LRBA: variants seen among roughly 807,000 people sequenced by gnomAD.
LRBA encodes the protein lipopolysaccharide-responsive and beige-like anchor protein.
In LRBA, 176 loss-of-function variants were observed where a neutral mutation model predicts 330.0. The ratio of observed to expected loss-of-function variants is 0.53; its 90% confidence interval spans 0.47 to 0.60. LRBA has a LOEUF of 0.60. LRBA is among the 20% of genes least tolerant of loss of function. The pLI is 0.00. For missense variants in LRBA, 3,259 were observed against 3,444.8 expected (o/e 0.95, Z 1.35); for synonymous variants, 1,230 against 1,193.0 (o/e 1.03, Z -0.64).
intron 2 of LRBA, among the ~76,000 whole-genome samples, chr4:150,961,906 A>T (rs1335015147): frequency 1.3e-5 from 2 of 149,240 alleles, no homozygotes; most frequent in African/African-American, 5.2e-5. Flanking sequence ...TAAATGTCTG[A>T]CTACTCCATG....
intron 47 of LRBA, among the ~76,000 whole-genome samples, chr4:150,393,721 A>G (rs1744328058): frequency 6.6e-6 from 1 of 152,120 alleles, no homozygotes; most frequent in Non-Finnish European, 1.5e-5. Flanking sequence ...CCTGGCCTGA[A>G]GTCATCCTCC....
In LRBA at chr4:150,735,279, A is replaced by C. The variant is rs931609538; in HGVS notation, c.5733T>G (p.Ile1911Met). Residue 1911 changes from isoleucine to methionine, a missense_variant, in exon 36 of 57, where the codon ATT (isoleucine) becomes ATG (methionine). Coordinates refer to ENST00000651943, the MANE Select transcript of LRBA (RefSeq NM_001364905.1). ...FILSRQRAED[I>M]HRHAEFESLC... ...CTACCTCAAATTCCGCATGTCTGTGAATATCTTCTGCTCTCTGCCTGCTCA... is the reference window on the plus strand; with the variant it reads ...CTACCTCAAATTCCGCATGTCTGTGCATATCTTCTGCTCTCTGCCTGCTCA... 6.2e-7 allele frequency: 1 copy of C among 1,613,360 alleles called. No homozygotes were observed. The highest frequency in any genetic ancestry group is 1.7e-5 in the Admixed American group (1 of 59,990).
intron 47 of LRBA, among the ~76,000 whole-genome samples, chr4:150,412,618 T>C (rs1356623476): frequency 6.6e-6 from 1 of 152,112 alleles, no homozygotes; most frequent in Non-Finnish European, 1.5e-5. Context: ...CTTATTCAAA[T>C]GTTTCTGCCT....
chr4:150,917,284 T>A (rs1299821120), intron 5 of LRBA, among the ~76,000 whole-genome samples: 3 of 150,518 alleles, frequency 2.0e-5, no homozygotes, highest in Non-Finnish European at 2.9e-5. Context: ...GAAAAAAAAA[T>A]TCAGTGTAAC....
At position 151,014,787 on chromosome 4, in the gene LRBA, C is replaced by A. The variant is rs1745246075; in HGVS notation, c.-145G>T. Reference sequence around the variant, plus strand: ...CCCCAAAGCAGTTGATGTGGAAAGTCCTTGGCGTCGCCCTCCTCCTCTTGG... The same window carrying A: ...CCCCAAAGCAGTTGATGTGGAAAGTACTTGGCGTCGCCCTCCTCCTCTTGG... On this transcript the variant is annotated 5_prime_UTR_variant, in exon 2 of 57. Coordinates refer to ENST00000651943, the MANE Select transcript of LRBA (RefSeq NM_001364905.1). 1.7e-6 allele frequency: 1 copy of A among 598,012 alleles called. No homozygotes were observed. Among genetic ancestry groups the A allele is most frequent in the African/African-American group, 1.9e-5 (1 of 54,034 alleles). The allele number at this position is 598,012 out of a possible 1,614,324, so 37.0% of individuals were successfully genotyped here.
At chr4:150,426,956 T>G (rs1749712575) in intron 46 of LRBA, among the ~76,000 whole-genome samples, 1 of 151,952 alleles carries the variant, frequency 6.6e-6, no homozygotes, top group Non-Finnish European at 1.5e-5. Flanking sequence ...TTGGGCCTTT[T>G]GCTGTTCTAG....
intron 34 of LRBA, among the ~76,000 whole-genome samples, chr4:150,777,806 C>T (rs1032484458): frequency 1.3e-5 from 2 of 151,672 alleles, no homozygotes; most frequent in Admixed American, 6.6e-5. Flanking sequence ...GGTGAAACCC[C>T]GTCTCTACTA....
At chr4:150,961,537 A>G (rs1412413440) in intron 2 of LRBA, among the ~76,000 whole-genome samples, 1 of 149,352 alleles carries the variant, frequency 6.7e-6, no homozygotes, top group Non-Finnish European at 1.5e-5. Context: ...AAAACAAAAA[A>G]TACTATTTTT....
At chr4:150,384,155 C>T (rs1742714474) in intron 47 of LRBA, among the ~76,000 whole-genome samples, 1 of 152,050 alleles carries the variant, frequency 6.6e-6, no homozygotes, top group Non-Finnish European at 1.5e-5. Flanking sequence ...TCTCCTGCCT[C>T]AGTCTTCCGA....
chr4:150,596,231 G>T (rs1383766577), intron 38 of LRBA, among the ~76,000 whole-genome samples: 1 of 151,820 alleles, frequency 6.6e-6, no homozygotes, highest in Non-Finnish European at 1.5e-5. Flanking sequence ...CTAGAAGGTA[G>T]CCAGAAGTAG....
Position 150,872,747 on chromosome 4 carries a change from T to A in LRBA, c.2174A>T (p.Tyr725Phe). The A allele has an allele frequency of 1.3e-6, 2 of 1,568,556 alleles. No individual in the cohort carries two copies. The highest frequency in any genetic ancestry group is 8.7e-7 in the Non-Finnish European group (1 of 1,144,790). Residue 725 changes from tyrosine (Y) to phenylalanine (F), a missense_variant, in exon 18 of 57, where the codon TAC (tyrosine) becomes TTC (phenylalanine). Transcript: ENST00000651943. ...TTCACTTTTCGATGCCAGAAGTTTGTAGATAACACTGAATGAATAAAAATT... is the reference window on the plus strand; with the variant it reads ...TTCACTTTTCGATGCCAGAAGTTTGAAGATAACACTGAATGAATAAAAATT... ...FDQRNGLRVI[Y>F]KLLASKSEGI...
At position 150,959,304 on chromosome 4, in the gene LRBA, C is replaced by A. The variant is rs960033172; in HGVS notation, c.217-30239G>T. On this transcript the variant is annotated intron_variant, in intron 2 of 56. Transcript: ENST00000651943. ...AAGAGAAGAGCAGGGGAAAAACCCA[C>A]CCCCATGATTCAATTACCTCCCACT... 5.4e-5 allele frequency among the ~76,000 whole-genome samples: 8 copies of A among 149,122 alleles called. No individual in the cohort carries two copies. In the East Asian group the frequency reaches 1.3e-3, roughly 25 times the overall value.
intron 51 of LRBA, 149 bp from the exon 52 acceptor site, chr4:150,310,533 T>C (rs554194609): frequency 1.5e-5 from 8 of 517,574 alleles, no homozygotes. Context: ...GGAAAACATA[T>C]CCAATTGCTG....
At chr4:150,646,722 T>C (rs1005172885) in intron 37 of LRBA, among the ~76,000 whole-genome samples, 3 of 152,178 alleles carry the variant, frequency 2.0e-5, no homozygotes, top group South Asian at 2.1e-4. Context: ...CATATGTCAA[T>C]AGATAAGCAT....
intron 48 of LRBA, among the ~76,000 whole-genome samples, chr4:150,346,900 G>C (rs1397164781): frequency 6.6e-6 from 1 of 151,406 alleles, no homozygotes; most frequent in African/African-American, 2.4e-5. Context: ...CATTTGAACA[G>C]ATGGTGTACA....
At chr4:150,688,850 G>A (rs1305989361) in intron 36 of LRBA, among the ~76,000 whole-genome samples, 1 of 152,210 alleles carries the variant, frequency 6.6e-6, no homozygotes, top group Non-Finnish European at 1.5e-5. Flanking sequence ...TACACTGTTG[G>A]AGGGAGTATA....
chr4:150,938,233 AAG>A (rs1735301958), intron 2 of LRBA, among the ~76,000 whole-genome samples: 2 of 152,178 alleles, frequency 1.3e-5, no homozygotes, highest in Admixed American at 1.3e-4. Flanking sequence ...AAAATTAACT[AAG>A]AGTAAGCTTC....
chr4:150,988,540 G>C (rs965205204), intron 2 of LRBA, among the ~76,000 whole-genome samples: 1 of 151,972 alleles, frequency 6.6e-6, no homozygotes, highest in African/African-American at 2.4e-5. Context: ...TTTTCTTTTC[G>C]CTTTTGTGTA....
chr4:150,971,850 G>A (rs1739616293), intron 2 of LRBA, among the ~76,000 whole-genome samples: 1 of 152,102 alleles, frequency 6.6e-6, no homozygotes, highest in African/African-American at 2.4e-5. Flanking sequence ...GTTAAAGAAA[G>A]AAGGTAAAAA....
Sources: allele counts gnomAD v4.1 joint callset (sites outside exome capture counted in the v4.1 genomes callset), GRCh38; gene constraint gnomAD v4.1.1; transcripts MANE v1.5; gene names NCBI Gene and HGNC (gene_info 2026-07-23, HGNC 2026-07-21).